Variants in LRBA observed in about 807,000 individuals in gnomAD.
The protein encoded by LRBA is LPS responsive beige-like anchor protein, also known as lipopolysaccharide-responsive and beige-like anchor protein.
LRBA carries 176 observed loss-of-function variants against 330.0 expected under a neutral mutation model. That is an observed-to-expected ratio of 0.53 (90% CI 0.47 to 0.60). The LOEUF (loss-of-function observed/expected upper bound fraction) is 0.60, where lower values mean the gene tolerates loss of function less well. Ranked by LOEUF, LRBA falls within the 20% of genes least tolerant of loss-of-function variation. LRBA has a pLI of 0.00. For synonymous variants in LRBA, 1,230 were observed against 1,193.0 expected, an observed-to-expected ratio of 1.03 and a Z score of -0.64; for missense variants, 3,259 against 3,444.8, an observed-to-expected ratio of 0.95 and a Z score of 1.35.
intron 2 of LRBA, among the ~76,000 whole-genome samples, chr4:150,954,045 G>A (rs1737222783): frequency 1.5e-5 from 2 of 134,684 alleles, no homozygotes; most frequent in South Asian, 5.0e-4. Context: ...TCTCCGCCCG[G>A]CAGCCACCCC....
intron 34 of LRBA, among the ~76,000 whole-genome samples, chr4:150,784,373 C>T (rs1336984876): frequency 6.6e-6 from 1 of 152,158 alleles, no homozygotes; most frequent in Non-Finnish European, 1.5e-5. Flanking sequence ...CAAATTTAGG[C>T]CATTTGAAAC....
intron 36 of LRBA, among the ~76,000 whole-genome samples, chr4:150,689,535 T>C (rs1783930054): frequency 6.6e-6 from 1 of 151,970 alleles, no homozygotes; most frequent in South Asian, 2.1e-4. Flanking sequence ...TTAATAGATA[T>C]ATTCTCTATT....
intron 37 of LRBA, among the ~76,000 whole-genome samples, chr4:150,670,999 G>GGTGTGTGT (rs1561497148): frequency 5.9e-5 from 4 of 67,714 alleles, no homozygotes; most frequent in African/African-American, 1.9e-4. Context: ...CAACATAGCT[G>GGTGTGTGT]ATGTGTGTGT....
intron 31 of LRBA, among the ~76,000 whole-genome samples, chr4:150,815,190 T>C (rs897480110): frequency 6.6e-6 from 1 of 151,906 alleles, no homozygotes; most frequent in Non-Finnish European, 1.5e-5. Flanking sequence ...GGCAGGTAAA[T>C]CATTTCATAG....
chr4:150,802,498 TATA>T (rs1741811167), intron 33 of LRBA, among the ~76,000 whole-genome samples: 1 of 152,080 alleles, frequency 6.6e-6, no homozygotes, highest in Admixed American at 6.6e-5. Flanking sequence ...TGAACTCACA[TATA>T]ATAATTGTAA....
rs937251826 is a variant in LRBA at position 150,955,090 on chromosome 4, C to T, written c.217-26025G>A. ...CAGAGTTCGAGAATGGCCTGAGAAACATGGTGAAACCCTGTCTCTACAAAA... is the reference window on the plus strand; with the variant it reads ...CAGAGTTCGAGAATGGCCTGAGAAATATGGTGAAACCCTGTCTCTACAAAA... On this transcript the variant is annotated intron_variant, in intron 2 of 56. Coordinates refer to ENST00000651943, the MANE Select transcript of LRBA (RefSeq NM_001364905.1). 1.3e-5 allele frequency among the ~76,000 whole-genome samples: 2 copies of T among 148,372 alleles called. 1 individual carries two copies. Among genetic ancestry groups the T allele is most frequent in the African/African-American group, 5.3e-5 (2 of 38,048 alleles).
intron 52 of LRBA, among the ~76,000 whole-genome samples, chr4:150,307,612 C>T (rs1730530684): frequency 6.6e-6 from 1 of 151,238 alleles, no homozygotes; most frequent in Admixed American, 6.6e-5. Context: ...GGTGTAGTGG[C>T]ATGTGCCTGT....
chr4:150,569,275 C>A (rs1052047920), intron 40 of LRBA, among the ~76,000 whole-genome samples: 1 of 151,924 alleles, frequency 6.6e-6, no homozygotes, highest in Non-Finnish European at 1.5e-5. Flanking sequence ...AGATTAGTGA[C>A]CTAAGTGTGT....
chr4:150,684,291 G>C (rs186344749), intron 36 of LRBA, among the ~76,000 whole-genome samples: 1 of 152,260 alleles, frequency 6.6e-6, no homozygotes, highest in East Asian at 1.9e-4. Flanking sequence ...GGCCAGAAAA[G>C]AGACAATAGC....
At chr4:150,431,395 T>C (rs1258079675) in intron 46 of LRBA, among the ~76,000 whole-genome samples, 4 of 152,166 alleles carry the variant, frequency 2.6e-5, no homozygotes, top group African/African-American at 9.7e-5. Context: ...GCCCAAACTA[T>C]CCCTTGATGT....
At chr4:150,819,241 GA>G (rs1245663866) in intron 30 of LRBA, among the ~76,000 whole-genome samples, 1 of 150,640 alleles carries the variant, frequency 6.6e-6, no homozygotes, top group East Asian at 1.9e-4. Flanking sequence ...ATTTATGGTA[GA>G]AAAAAATCAG....
At chr4:150,295,203 T>C (rs76121221) in intron 53 of LRBA, among the ~76,000 whole-genome samples, 13,803 of 146,568 alleles carry the variant, frequency 0.094, 921 homozygotes, top group South Asian at 0.23. Context: ...GCTTTTTTTT[T>C]TTTTTTTTTT....
intron 35 of LRBA, among the ~76,000 whole-genome samples, chr4:150,748,623 C>A (rs955461930): frequency 6.7e-6 from 1 of 149,964 alleles, no homozygotes; most frequent in African/African-American, 2.5e-5. Flanking sequence ...GCTGAGATCA[C>A]ACCATTGCAC....
At chr4:150,746,075 T>C (rs1370151305) in intron 35 of LRBA, among the ~76,000 whole-genome samples, 3 of 152,210 alleles carry the variant, frequency 2.0e-5, no homozygotes, top group Non-Finnish European at 4.4e-5. Flanking sequence ...TATGTTCCTG[T>C]CCTTACATTT....
intron 53 of LRBA, among the ~76,000 whole-genome samples, chr4:150,299,771 GTTTTC>G (rs1411418184): frequency 2.0e-5 from 3 of 151,714 alleles, no homozygotes; most frequent in African/African-American, 4.8e-5. Flanking sequence ...CAATAACCTG[GTTTTC>G]TTTTATCTAT....
At chr4:150,968,881 GC>G (rs1463490690) in intron 2 of LRBA, among the ~76,000 whole-genome samples, 1 of 152,274 alleles carries the variant, frequency 6.6e-6, no homozygotes, top group East Asian at 1.9e-4. Context: ...ACTGTTAGGG[GC>G]TAATGCAGCT....
intron 40 of LRBA, among the ~76,000 whole-genome samples, chr4:150,557,347 T>A (rs1018720437): frequency 1.3e-5 from 2 of 152,164 alleles, no homozygotes; most frequent in African/African-American, 4.8e-5. Flanking sequence ...AGTTAAGGCA[T>A]AATGTCAACT....
At chr4:150,396,940 C>T (rs1744815250) in intron 47 of LRBA, among the ~76,000 whole-genome samples, 1 of 152,082 alleles carries the variant, frequency 6.6e-6, no homozygotes, top group Non-Finnish European at 1.5e-5. Flanking sequence ...GCCACTTGTT[C>T]CCACTTTCAA....
At chr4:150,626,171 C>A (rs1388456186) in intron 37 of LRBA, among the ~76,000 whole-genome samples, 1 of 152,132 alleles carries the variant, frequency 6.6e-6, no homozygotes, top group African/African-American at 2.4e-5. Flanking sequence ...CATCTTAATT[C>A]TCTCACTCTG....
Sources: gnomAD v4.1 joint callset for allele counts (sites outside exome capture counted in the v4.1 genomes callset) on GRCh38, gnomAD v4.1.1 for gene constraint, MANE v1.5 for transcripts, NCBI Gene and HGNC (gene_info 2026-07-23, HGNC 2026-07-21) for gene names.